The following SFSWAP variants were observed in gnomAD, a reference collection of about 807,000 sequenced individuals.
SFSWAP encodes the protein splicing factor SWAP.
Under a neutral mutation model 100.7 loss-of-function variants are expected in SFSWAP, and 17 were observed. The ratio of observed to expected loss-of-function variants is 0.17; its 90% confidence interval spans 0.12 to 0.25. The LOEUF (loss-of-function observed/expected upper bound fraction) is 0.25, where lower values mean the gene tolerates loss of function less well. SFSWAP is among the 10% of genes least tolerant of loss of function. The pLI is 1.00. For synonymous variants in SFSWAP, 504 were observed against 510.1 expected (o/e 0.99, Z 0.16); for missense variants, 1,005 against 1,262.6 (o/e 0.80, Z 3.09).
intron 14 of SFSWAP, chr12:131,783,491 A>G (rs1428613114): frequency 1.3e-5 from 2 of 152,006 alleles, no homozygotes; most frequent in Non-Finnish European, 1.5e-5. Context: ...AGAGAGCTAT[A>G]TGATAAAAAT....
In SFSWAP at chr12:131,756,499, C is replaced by T. The variant is rs1282970762; in HGVS notation, c.1575C>T (p.Pro525=). ...CTGTGTCTGCACCAGAAGAGGCTCC[C>T]ACAGACTCTGCTCCCGAGAAGCCAA... ...MQAVSAPEEA[P]TDSAPEKPSD... The change falls in exon 11 of 18, where the codon CCC becomes CCT. Residue 525 remains proline (P), a synonymous_variant. Coordinates refer to ENST00000261674, the MANE Select transcript of SFSWAP (RefSeq NM_004592.4). The T allele has an allele frequency of 1.2e-6, 2 of 1,614,104 alleles. No individual in the cohort carries two copies. Among genetic ancestry groups the T allele is most frequent in the Middle Eastern group, 1.6e-4 (1 of 6,062 alleles).
chr12:131,742,805 T>G (rs1880774371), intron 7 of SFSWAP, among the ~76,000 whole-genome samples: 3 of 152,166 alleles, frequency 2.0e-5, no homozygotes, highest in Non-Finnish European at 2.9e-5. Context: ...ATGGTTTATA[T>G]TAGTCTGTTT....
At chr12:131,747,485 G>A (rs1438000672) in intron 7 of SFSWAP, among the ~76,000 whole-genome samples, 12 of 152,346 alleles carry the variant, frequency 7.9e-5, no homozygotes, top group African/African-American at 2.9e-4. Context: ...GGGTTTGCAG[G>A]AGGGCTTCCC....
chr12:131,739,377 T>C (rs1242175281), intron 7 of SFSWAP, among the ~76,000 whole-genome samples: 1 of 152,172 alleles, frequency 6.6e-6, no homozygotes, highest in Non-Finnish European at 1.5e-5. Flanking sequence ...TGTAACCATT[T>C]AAAATGATTT....
At position 131,730,210 on chromosome 12, in the gene SFSWAP, G is replaced by A. The variant is rs1440549285; in HGVS notation, c.1081+1782G>A. On this transcript the variant is annotated intron_variant, in intron 7 of 17. Coordinates refer to ENST00000261674, the MANE Select transcript of SFSWAP (RefSeq NM_004592.4). This position sits in a 1 kb window ranked among gnomAD's most constrained non-coding sequence, Gnocchi z 4.0. Reference sequence around the variant, plus strand: ...TTTAAGTCTTGAGCCCCACTCGGCAGCCTGTGAAGCTCCCGCCCTGGAGTC... The same window carrying A: ...TTTAAGTCTTGAGCCCCACTCGGCAACCTGTGAAGCTCCCGCCCTGGAGTC... Among the ~76,000 whole-genome samples, 1 of 152,226 alleles carries A rather than the reference G, an allele frequency of 6.6e-6. No homozygotes were observed. Among genetic ancestry groups the A allele is most frequent in the African/African-American group, 2.4e-5 (1 of 41,456 alleles).
intron 7 of SFSWAP, among the ~76,000 whole-genome samples, chr12:131,746,584 A>T (rs1026586126): frequency 1.3e-5 from 2 of 152,068 alleles, no homozygotes; most frequent in Admixed American, 1.3e-4. Context: ...TGTTGCTTGT[A>T]TGTTTACTTC....
chr12:131,738,882 A>ATTATTTTTTTTTTTT (rs1555243205), intron 7 of SFSWAP, among the ~76,000 whole-genome samples: 3 of 40,218 alleles, frequency 7.5e-5, no homozygotes, highest in Non-Finnish European at 2.3e-4. Context: ...AATGAACATT[A>ATTATTTTTTTTTTTT]TTCTTTTTTT....
At position 131,764,466 on chromosome 12, in the gene SFSWAP, T is replaced by A. The variant is rs1481876142; in HGVS notation, c.1731T>A (p.Ala577=). 6.2e-7 allele frequency: 1 copy of A among 1,613,626 alleles called. No individual in the cohort carries two copies. The highest frequency in any genetic ancestry group is 8.5e-7 in the Non-Finnish European group (1 of 1,179,690). Reference sequence around the variant, plus strand: ...ACCTTTCCTCAATAGCTTCCTTTGCTCCAATAAGCTTTGCAATCAAGGCCA... The same window carrying A: ...ACCTTTCCTCAATAGCTTCCTTTGCACCAATAAGCTTTGCAATCAAGGCCA... ...PDGKLVKASF[A]PISFAIKAKE... The change falls in exon 12 of 18, where the codon GCT becomes GCA. Residue 577 remains alanine (A), a synonymous_variant. Transcript: ENST00000261674.
intron 7 of SFSWAP, 92 bp from the exon 8 acceptor site, chr12:131,753,031 T>A: frequency 2.6e-6 from 4 of 1,557,518 alleles, no homozygotes; most frequent in Non-Finnish European, 3.5e-6. Flanking sequence ...AGGCTGCATC[T>A]TGCCGGGGGA....
intron 4 of SFSWAP, among the ~76,000 whole-genome samples, chr12:131,721,871 CTTGA>C (rs1185778112): frequency 3.3e-5 from 5 of 152,178 alleles, no homozygotes; most frequent in Non-Finnish European, 7.3e-5. Flanking sequence ...AAACTGAGTG[CTTGA>C]TTGAGTCTCT....
intron 15 of SFSWAP, among the ~76,000 whole-genome samples, chr12:131,790,392 G>A (rs1043800600): frequency 2.6e-5 from 4 of 152,160 alleles, no homozygotes; most frequent in African/African-American, 4.8e-5. Context: ...GTTCCTTTTA[G>A]TGAATATTTG....
chr12:131,795,813 T>TC (rs1204648296), intron 15 of SFSWAP, among the ~76,000 whole-genome samples: 3 of 150,180 alleles, frequency 2.0e-5, no homozygotes, highest in African/African-American at 7.4e-5. Context: ...GAACCACGGT[T>TC]CCCCCTTCAG....
chr12:131,795,951 C>T (rs1885606276), intron 15 of SFSWAP, among the ~76,000 whole-genome samples: 1 of 138,962 alleles, frequency 7.2e-6, no homozygotes, highest in African/African-American at 2.6e-5. Context: ...TGCCCAGGCA[C>T]CAGCAAGCAG....
At chr12:131,754,270 C>A in intron 8 of SFSWAP, 98 bp from the exon 9 acceptor site, 1 of 901,418 alleles carries the variant, frequency 1.1e-6, no homozygotes. Flanking sequence ...ACTCACATGT[C>A]TCTCCGGGCA....
At chr12:131,719,791 G>A (rs1878297396) in intron 4 of SFSWAP, among the ~76,000 whole-genome samples, 1 of 152,200 alleles carries the variant, frequency 6.6e-6, no homozygotes, top group South Asian at 2.1e-4. Context: ...CGGCCATGTA[G>A]TTGAATCCCC....
intron 7 of SFSWAP, among the ~76,000 whole-genome samples, chr12:131,731,901 CTTTTT>C (rs755819493): frequency 1.8e-5 from 1 of 55,308 alleles, no homozygotes; most frequent in Non-Finnish European, 3.3e-5. Context: ...TACTATTTTA[CTTTTT>C]TTTTTTTTTT....
chr12:131,790,715 G>A (rs918403551), intron 15 of SFSWAP, among the ~76,000 whole-genome samples: 2 of 152,186 alleles, frequency 1.3e-5, no homozygotes, highest in Admixed American at 6.5e-5. Context: ...TTCCCATTGA[G>A]TTTCTAGTAC....
chr12:131,750,257 G>A (rs923462105), intron 7 of SFSWAP, among the ~76,000 whole-genome samples: 2 of 152,362 alleles, frequency 1.3e-5, no homozygotes, highest in East Asian at 1.9e-4. Context: ...CCACTGTGGT[G>A]TTGGTTCCCG....
intron 7 of SFSWAP, among the ~76,000 whole-genome samples, chr12:131,752,695 C>G (rs991105244): frequency 6.6e-6 from 1 of 152,174 alleles, no homozygotes; most frequent in Non-Finnish European, 1.5e-5. Context: ...CAGGTGTCAG[C>G]GCGGGGAGCT....
Sources: gnomAD v4.1 joint callset for allele counts (sites outside exome capture counted in the v4.1 genomes callset) on GRCh38, gnomAD v4.1.1 for gene constraint, Gnocchi (gnomAD v3.1) non-coding constraint, MANE v1.5 for transcripts, NCBI Gene and HGNC (gene_info 2026-07-23, HGNC 2026-07-21) for gene names.